The following KCNH6 variants were observed in gnomAD, a reference collection of about 807,000 sequenced individuals.
The protein encoded by KCNH6 is voltage-gated inwardly rectifying potassium channel KCNH6.
A neutral mutation model predicts 83.4 loss-of-function variants in KCNH6; 81 were observed. The observed-to-expected ratio is 0.97, with a 90% CI of 0.81 to 1.17. The LOEUF is 1.17. KCNH6 is among the 50% of genes most tolerant of loss of function. The pLI is 0.00. For missense variants in KCNH6, 1,203 were observed against 1,290.5 expected (o/e 0.93, Z 1.04); for synonymous variants, 503 against 545.6 (o/e 0.92, Z 1.09).
intron 2 of KCNH6, among the ~76,000 whole-genome samples, chr17:63,524,685 G>A (rs2147616947): frequency 6.6e-6 from 1 of 152,272 alleles, no homozygotes; most frequent in Admixed American, 6.5e-5. Context: ...TCAGGCAGCT[G>A]GGATGGAAAT....
chr17:63,534,002 G>A lies in KCNH6; in HGVS notation c.792G>A (p.Leu264=). 1 of 1,614,190 alleles carries A rather than the reference G, an allele frequency of 6.2e-7. No homozygotes were observed. The highest frequency in any genetic ancestry group is 8.5e-7 in the Non-Finnish European group (1 of 1,180,020). ...PFKAVWDWLI[L]LLVIYTAVFT... is the part of the protein sequence containing the mutation. ...AGGCCGTGTGGGACTGGCTCATCCT[G>A]CTGCTGGTCATCTACACGGCTGTCT... is the stretch of plus-strand genomic sequence containing the variant. Residue 264 remains leucine, a synonymous_variant, in exon 5 of 13, where the codon CTG becomes CTA. Transcript: ENST00000314672. This position sits in a 1 kb window ranked among gnomAD's most constrained non-coding sequence, Gnocchi z 5.0.
At chr17:63,528,194 G>C (rs928139312) in intron 2 of KCNH6, among the ~76,000 whole-genome samples, 6 of 152,344 alleles carry the variant, frequency 3.9e-5, no homozygotes, top group Admixed American at 1.3e-4. Context: ...CACTGGCCAA[G>C]GAGGCTCCCT....
intron 8 of KCNH6, among the ~76,000 whole-genome samples, chr17:63,540,163 G>C (rs113366938): frequency 6.6e-6 from 1 of 152,152 alleles, no homozygotes; most frequent in Non-Finnish European, 1.5e-5. Context: ...GGCCAGGCAC[G>C]GTGGCTCATG....
Position 63,533,912 on chromosome 17 carries a change from G to T in KCNH6, c.702G>T (p.Leu234=). 6.2e-7 allele frequency: 1 copy of T among 1,613,718 alleles called. No individual in the cohort carries two copies. The highest frequency in any genetic ancestry group is 1.1e-5 in the South Asian group (1 of 91,072). ...TCCTGTCCCTGGGCGCGGATGTGCT[G>T]CCGGAGTACAAGCTGCAGGCGCCGC... ...TQVLSLGADV[L]PEYKLQAPRI... is the part of the protein sequence containing the mutation. Residue 234 remains leucine, a synonymous_variant, in exon 5 of 13, where the codon CTG becomes CTT. Coordinates refer to ENST00000314672, the MANE Select transcript of KCNH6 (RefSeq NM_001278919.2). This position sits in a 1 kb window ranked among gnomAD's most constrained non-coding sequence, Gnocchi z 4.1.
At chr17:63,545,388 T>C in intron 12 of KCNH6, 124 bp downstream of exon 12, 1 of 1,079,636 alleles carries the variant, frequency 9.3e-7, no homozygotes, top group Admixed American at 2.4e-5. Flanking sequence ...CCAGGGCTTC[T>C]GCTTACCTCC....
chr17:63,533,518 G>A lies in KCNH6; in HGVS notation c.676-368G>A, dbSNP rs1237180046. On this transcript the variant is annotated intron_variant, in intron 4 of 12. Transcript: ENST00000314672. The surrounding 1 kb of genome is among the most constrained non-coding windows in gnomAD (Gnocchi z 4.1). ...GATCAGCCCATCAGCTACCCCTTCT[G>A]TGGGCTCTTGTGTGGAATGGGTCTA... Among the ~76,000 whole-genome samples, 2 of 152,060 alleles carry A rather than the reference G, an allele frequency of 1.3e-5. No individual in the cohort carries two copies. Among genetic ancestry groups the A allele is most frequent in the African/African-American group, 4.8e-5 (2 of 41,402 alleles).
chr17:63,542,373 T>G lies in KCNH6; in HGVS notation c.2087T>G (p.Met696Arg), dbSNP rs756207231. Residue 696 changes from methionine (M) to arginine (R), a missense_variant, in exon 9 of 13, where the codon ATG becomes AGG. Coordinates refer to ENST00000314672, the MANE Select transcript of KCNH6 (RefSeq NM_001278919.2). ...QRADLLEVLD[M>R]YPAFAESFWS... ...GCAGATCTGCTGGAGGTGCTGGACA[T>G]GTACCCGGCCTTTGCGGAGAGCTTC... 1.2e-6 allele frequency: 2 copies of G among 1,614,072 alleles called. No homozygotes were observed. Among genetic ancestry groups the G allele is most frequent in the African/African-American group, 2.7e-5 (2 of 74,940 alleles).
intron 9 of KCNH6, among the ~76,000 whole-genome samples, chr17:63,543,287 C>G (rs2032969432): frequency 1.3e-5 from 2 of 149,814 alleles, no homozygotes; most frequent in Admixed American, 6.6e-5. Flanking sequence ...CTCAGTTTCT[C>G]CCCTCCCTCC....
chr17:63,539,942 T>C (rs189413312), intron 8 of KCNH6, among the ~76,000 whole-genome samples: 120 of 152,286 alleles, frequency 7.9e-4, no homozygotes, highest in Non-Finnish European at 1.2e-3. Flanking sequence ...GACCACCCTG[T>C]CCTACCACCC....
Position 63,541,129 on chromosome 17 carries a change from G to A in KCNH6, c.1955-1112G>A, listed in dbSNP as rs377445156. On this transcript the variant is annotated intron_variant, in intron 8 of 12. Transcript: ENST00000314672. ...CAGGGATTTGGGAGGGTCCTTGTGG[G>A]TGGCACAACATCTTATATTTATATC... Among the ~76,000 whole-genome samples, 55 of 152,262 alleles carry A rather than the reference G, an allele frequency of 3.6e-4. 1 individual carries two copies. The East Asian group carries it at 6.9e-3, about 19-fold the overall frequency.
chr17:63,524,209 C>A lies in KCNH6; in HGVS notation c.147C>A (p.Cys49Ter). The A allele has an allele frequency of 1.2e-6, 2 of 1,614,192 alleles. No homozygotes were observed. Among genetic ancestry groups the A allele is most frequent in the Non-Finnish European group, 1.7e-6 (2 of 1,180,026 alleles). ...CAIIYCNDGF[C>*]ELFGYSRVEV... ...TCATTTACTGCAACGACGGCTTCTGCGAACTCTTCGGCTACTCCCGAGTGG... is the reference window on the plus strand; with the variant it reads ...TCATTTACTGCAACGACGGCTTCTGAGAACTCTTCGGCTACTCCCGAGTGG... Residue 49 changes from cysteine to a stop codon, truncating the protein, a stop_gained, in exon 2 of 13, where the codon TGC becomes TGA. Transcript: ENST00000314672. LOFTEE classifies it high-confidence loss of function.
rs1282280443 is a variant in KCNH6 at position 63,535,690 on chromosome 17, T to A, written c.1123T>A (p.Leu375Met). 2.5e-6 allele frequency: 4 copies of A among 1,610,298 alleles called. No homozygotes were observed. The highest frequency in any genetic ancestry group is 3.4e-6 in the Non-Finnish European group (4 of 1,177,714). ...CCAGACCACAACCCTGATTGGGCTATTGAAGACAGCGCGGCTGCTGCGGCT... is the reference window on the plus strand; with the variant it reads ...CCAGACCACAACCCTGATTGGGCTAATGAAGACAGCGCGGCTGCTGCGGCT... ...SDETTTLIGL[L>M]KTARLLRLVR... Residue 375 changes from leucine (L) to methionine (M), a missense_variant, in exon 6 of 13, where the codon TTG becomes ATG. By Grantham distance (15) the Leu-to-Met change is conservative (BLOSUM62 2). Transcript: ENST00000314672. This position sits in a 1 kb window ranked among gnomAD's most constrained non-coding sequence, Gnocchi z 4.9.
Position 63,523,563 on chromosome 17 carries a change from T to C in KCNH6, c.76+74T>C, listed in dbSNP as rs2031485244. On this transcript the variant is annotated intron_variant, in intron 1 of 12. Transcript: ENST00000314672. This position sits in a 1 kb window ranked among gnomAD's most constrained non-coding sequence, Gnocchi z 4.2. ...CGTGAAAGGGGGGGCTGGACCCCTT[T>C]ACTAACTTCTAACCGGGCAAGGTGG... 1 of 1,403,756 alleles carries C rather than the reference T, an allele frequency of 7.1e-7. No homozygotes were observed. Among genetic ancestry groups the C allele is most frequent in the African/African-American group, 1.4e-5 (1 of 69,084 alleles). 87.0% of individuals were successfully genotyped at this position (1,403,756 alleles called of 1,614,324 possible).
At chr17:63,527,774 A>T (rs527663606) in intron 2 of KCNH6, among the ~76,000 whole-genome samples, 5 of 152,230 alleles carry the variant, frequency 3.3e-5, no homozygotes, top group Admixed American at 6.5e-5. Context: ...GCTCTGAGCC[A>T]CGGGTAAGCA....
intron 9 of KCNH6, among the ~76,000 whole-genome samples, chr17:63,543,115 A>T (rs1238958180): frequency 6.6e-6 from 1 of 152,216 alleles, no homozygotes; most frequent in Non-Finnish European, 1.5e-5. Flanking sequence ...TGCATCTGGC[A>T]GGGAAACACA....
At chr17:63,532,797 G>A (rs192010601) in intron 4 of KCNH6, among the ~76,000 whole-genome samples, 22 of 152,198 alleles carry the variant, frequency 1.4e-4, no homozygotes, top group Middle Eastern at 3.4e-3. Flanking sequence ...ACACCCCTCC[G>A]GCTCCATCCT....
At chr17:63,537,941 G>A (rs2032602940) in intron 6 of KCNH6, 124 bp from the exon 7 acceptor site, 1 of 953,420 alleles carries the variant, frequency 1.0e-6, no homozygotes, top group African/African-American at 1.6e-5. Flanking sequence ...GGTCACTCCT[G>A]ACTTCTCCCT....
intron 9 of KCNH6, 143 bp from the exon 10 acceptor site, chr17:63,543,433 C>T (rs996564903): frequency 6.3e-6 from 4 of 635,986 alleles, no homozygotes; most frequent in African/African-American, 3.6e-5. Context: ...TGCAGGAAGT[C>T]GTCCAGGGCA....
chr17:63,533,374 A>G lies in KCNH6; in HGVS notation c.676-512A>G, dbSNP rs931577599. Reference sequence around the variant, plus strand: ...ATGGGAGGCTCTGAGTTGGCCTCAGAGAGGGCACTCACTGGTCCTGGATCC... The same window carrying G: ...ATGGGAGGCTCTGAGTTGGCCTCAGGGAGGGCACTCACTGGTCCTGGATCC... On this transcript the variant is annotated intron_variant, in intron 4 of 12. Transcript: ENST00000314672. The surrounding 1 kb of genome is among the most constrained non-coding windows in gnomAD (Gnocchi z 4.1). 6.6e-6 allele frequency among the ~76,000 whole-genome samples: 1 copy of G among 152,010 alleles called. No homozygotes were observed. The highest frequency in any genetic ancestry group is 1.5e-5 in the Non-Finnish European group (1 of 67,984).
Sources: gnomAD v4.1 joint callset for allele counts (sites outside exome capture counted in the v4.1 genomes callset) on GRCh38, gnomAD v4.1.1 for gene constraint, Gnocchi (gnomAD v3.1) non-coding constraint, MANE v1.5 for transcripts, NCBI Gene and HGNC (gene_info 2026-07-23, HGNC 2026-07-21) for gene names.